The following HECTD2 variants were observed in gnomAD, a reference collection of about 807,000 sequenced individuals.
HECTD2 encodes HECT domain E3 ubiquitin protein ligase 2.
A neutral mutation model predicts 103.2 loss-of-function variants in HECTD2; 35 were observed. The observed-to-expected ratio is 0.34, with a 90% CI of 0.26 to 0.45. The LOEUF (loss-of-function observed/expected upper bound fraction) is 0.45, where lower values mean the gene tolerates loss of function less well. HECTD2 is among the 20% of genes least tolerant of loss of function. The pLI is 1.00. For missense variants in HECTD2, 596 were observed against 937.4 expected, an observed-to-expected ratio of 0.64 and a Z score of 4.76; for synonymous variants, 281 against 329.9, an observed-to-expected ratio of 0.85 and a Z score of 1.61.
intron 10 of HECTD2, chr10:91,486,442 A>C (rs1050702390): frequency 1.3e-5 from 2 of 152,162 alleles, no homozygotes; most frequent in African/African-American, 4.8e-5. Flanking sequence ...TTTAATATAG[A>C]GCTTCCTCTA....
At position 91,496,385 on chromosome 10, in the gene HECTD2, T is replaced by C. The variant is rs946360138; in HGVS notation, c.1680+13T>C. 4.4e-6 allele frequency: 7 copies of C among 1,581,792 alleles called. No homozygotes were observed. The highest frequency in any genetic ancestry group is 6.0e-6 in the Non-Finnish European group (7 of 1,157,026). ...TCAAATTATGCCTGTAAGTATAAAG[T>C]TATTAATATCTTGTCCTTTAATGCG... is the stretch of plus-strand genomic sequence containing the variant. On this transcript the variant is annotated intron_variant, in intron 15 of 20. Transcript: ENST00000298068.
rs1417452000 is a variant in HECTD2, at chr10:91,496,202, T to C, written c.1522-12T>C. ...GGATTTTATGTTAATGCTTAACATTTAGTATGCATAGCTTATGGGACTAGC... is the reference window on the plus strand; with the variant it reads ...GGATTTTATGTTAATGCTTAACATTCAGTATGCATAGCTTATGGGACTAGC... On this transcript the variant is annotated splice_polypyrimidine_tract_variant and intron_variant, in intron 14 of 20. Coordinates refer to ENST00000298068, the MANE Select transcript of HECTD2 (RefSeq NM_182765.6). 1.1e-5 allele frequency: 17 copies of C among 1,582,722 alleles called. No individual in the cohort carries two copies. The highest frequency in any genetic ancestry group is 1.4e-5 in the Non-Finnish European group (16 of 1,161,634).
At chr10:91,482,512 T>C (rs1367159079) in intron 7 of HECTD2, among the ~76,000 whole-genome samples, 1 of 152,014 alleles carries the variant, frequency 6.6e-6, no homozygotes, top group African/African-American at 2.4e-5. Flanking sequence ...ACTTCGTTTT[T>C]CTAGCTTTTA....
At chr10:91,482,897 T>C (rs1589530206) in intron 7 of HECTD2, 70 bp from the exon 8 acceptor site, 3 of 643,804 alleles carry the variant, frequency 4.7e-6, no homozygotes, top group East Asian at 5.9e-5. Context: ...CACGTACTTA[T>C]TAAGCTTAGT....
chr10:91,510,085 T>C (rs1847361742), intron 20 of HECTD2, among the ~76,000 whole-genome samples: 1 of 152,106 alleles, frequency 6.6e-6, no homozygotes, highest in Non-Finnish European at 1.5e-5. Flanking sequence ...CAGTGCAGGA[T>C]TTCAATTTTA....
intron 20 of HECTD2, among the ~76,000 whole-genome samples, chr10:91,511,711 G>T (rs571580314): frequency 3.3e-5 from 5 of 152,058 alleles, no homozygotes; most frequent in African/African-American, 1.2e-4. Context: ...TAATACTGCC[G>T]CTTATGTGAC....
intron 2 of HECTD2, among the ~76,000 whole-genome samples, chr10:91,447,727 AAAAG>A (rs1235290967): frequency 2.6e-5 from 2 of 77,568 alleles, no homozygotes; most frequent in Non-Finnish European, 5.2e-5. Context: ...AAAGAAAAAA[AAAAG>A]CAAGGGTTGC....
In HECTD2 at chr10:91,431,539, G is replaced by T. The variant is rs1843869934; in HGVS notation, c.268+6129G>T. On this transcript the variant is annotated intron_variant, in intron 2 of 20. Coordinates refer to ENST00000298068, the MANE Select transcript of HECTD2 (RefSeq NM_182765.6). Reference sequence around the variant, plus strand: ...CACCAATCAGACGCAGATTTGGTTTGTTCACATCGTCCCATATTTCTTGGA... The same window carrying T: ...CACCAATCAGACGCAGATTTGGTTTTTTCACATCGTCCCATATTTCTTGGA... 7.2e-5 allele frequency among the ~76,000 whole-genome samples: 11 copies of T among 151,964 alleles called. No homozygotes were observed. In the South Asian group the frequency reaches 2.1e-3, roughly 29 times the overall value.
At position 91,498,849 on chromosome 10, in the gene HECTD2, T is replaced by C. The variant is rs772328692; in HGVS notation, c.1756-23T>C. On this transcript the variant is annotated intron_variant, in intron 16 of 20. Transcript: ENST00000298068. Reference sequence around the variant, plus strand: ...TGTTATTATATCAACCATATTAATATGTGTAATGGCATCTCCCATCAGGTT... The same window carrying C: ...TGTTATTATATCAACCATATTAATACGTGTAATGGCATCTCCCATCAGGTT... 8 of 1,359,134 alleles carry C rather than the reference T, an allele frequency of 5.9e-6. No homozygotes were observed. In the African/African-American group the frequency reaches 1.2e-4, roughly 20 times the overall value. 84.2% of individuals were successfully genotyped at this position (1,359,134 alleles called of 1,614,324 possible).
intron 1 of HECTD2, among the ~76,000 whole-genome samples, chr10:91,420,598 A>AG (rs1843317799): frequency 6.6e-6 from 1 of 152,048 alleles, no homozygotes; most frequent in Non-Finnish European, 1.5e-5. Context: ...AAAAGAAAAA[A>AG]AAAAAAAGAA....
At chr10:91,481,834 G>A (rs1392726727) in intron 7 of HECTD2, among the ~76,000 whole-genome samples, 1 of 151,246 alleles carries the variant, frequency 6.6e-6, no homozygotes, top group Non-Finnish European at 1.5e-5. Context: ...TTAAAAGTAA[G>A]GAAAACTATA....
chr10:91,432,389 A>G (rs2133072122), intron 2 of HECTD2, among the ~76,000 whole-genome samples: 1 of 152,068 alleles, frequency 6.6e-6, no homozygotes, highest in East Asian at 1.9e-4. Context: ...CTCCCTGTGG[A>G]TCACATGACT....
In HECTD2 at chr10:91,431,375, A is replaced by G. The variant is rs1409890791; in HGVS notation, c.268+5965A>G. Among the ~76,000 whole-genome samples, 4 of 152,060 alleles carry G rather than the reference A, an allele frequency of 2.6e-5. No individual in the cohort carries two copies. The East Asian group carries it at 5.8e-4, about 22-fold the overall frequency. ...TATGTGTTTTGGAGTTGCTCTTCTC[A>G]AGGAGTATCTTTGTGGAGTTCTCTG... On this transcript the variant is annotated intron_variant, in intron 2 of 20. Transcript: ENST00000298068.
intron 20 of HECTD2, among the ~76,000 whole-genome samples, chr10:91,505,464 G>T (rs1847117062): frequency 6.6e-6 from 1 of 151,734 alleles, no homozygotes; most frequent in African/African-American, 2.4e-5. Flanking sequence ...AAAGGCAGGG[G>T]TTGCAATCCT....
chr10:91,484,570 G>A lies in HECTD2; in HGVS notation c.885G>A (p.Leu295=). The change falls in exon 9 of 21, where the codon CTG becomes CTA. Residue 295 remains leucine, a synonymous_variant. Transcript: ENST00000298068. ...TGCTGCAATTTATTTCTTTACGCCT[G>A]TTTCCTGCAAAGCCTGAAGAATTTC... ...ERLLQFISLR[L]FPAKPEEFPP... The A allele has an allele frequency of 6.2e-7, 1 of 1,612,264 alleles. No individual in the cohort carries two copies.
At chr10:91,413,843 G>A (rs1257018842) in intron 1 of HECTD2, among the ~76,000 whole-genome samples, 1 of 152,192 alleles carries the variant, frequency 6.6e-6, no homozygotes, top group African/African-American at 2.4e-5. Context: ...AGCCCTCAGA[G>A]ACTTTCAGTG....
intron 6 of HECTD2, among the ~76,000 whole-genome samples, chr10:91,479,386 A>G (rs528848881): frequency 6.6e-6 from 1 of 152,368 alleles, no homozygotes; most frequent in South Asian, 2.1e-4. Flanking sequence ...AAAAGAAGAA[A>G]GTAAAAAATG....
intron 2 of HECTD2, among the ~76,000 whole-genome samples, chr10:91,431,638 C>T (rs995747962): frequency 6.6e-6 from 1 of 151,920 alleles, no homozygotes; most frequent in Non-Finnish European, 1.5e-5. Context: ...TTTCATCTTC[C>T]ATCACTGATA....
At chr10:91,451,049 C>T (rs1844798905) in intron 2 of HECTD2, among the ~76,000 whole-genome samples, 1 of 152,126 alleles carries the variant, frequency 6.6e-6, no homozygotes. Context: ...ATAAATCATT[C>T]TGCTATAAAG....
Sources: gnomAD v4.1 joint callset for allele counts (sites outside exome capture counted in the v4.1 genomes callset) on GRCh38, gnomAD v4.1.1 for gene constraint, MANE v1.5 for transcripts, NCBI Gene and HGNC (gene_info 2026-07-23, HGNC 2026-07-21) for gene names.